AGFG1: variants seen among roughly 807,000 people sequenced by gnomAD.
AGFG1 encodes the protein ArfGAP with FG repeats 1, also known as arf-GAP domain and FG repeat-containing protein 1.
AGFG1 carries 10 observed loss-of-function variants against 60.6 expected under a neutral mutation model. The ratio of observed to expected loss-of-function variants is 0.16; its 90% CI spans 0.10 to 0.28. The LOEUF (loss-of-function observed/expected upper bound fraction) is 0.28. Ranked by LOEUF, AGFG1 falls within the 10% of genes least tolerant of loss-of-function variation. AGFG1 has a pLI of 1.00. For missense variants in AGFG1, 537 were observed against 676.5 expected, an observed-to-expected ratio of 0.79 and a Z score of 2.29; for synonymous variants, 247 against 242.9, an observed-to-expected ratio of 1.02 and a Z score of -0.16.
intron 3 of AGFG1, among the ~76,000 whole-genome samples, 180 bp downstream of exon 3, chr2:227,520,243 C>T (rs1277393533): frequency 6.6e-6 from 1 of 152,144 alleles, no homozygotes; most frequent in African/African-American, 2.4e-5. Flanking sequence ...TCTACTTTAT[C>T]TTAACTCATC....
At chr2:227,501,340 T>TA (rs1225849543) in intron 2 of AGFG1, among the ~76,000 whole-genome samples, 1 of 152,182 alleles carries the variant, frequency 6.6e-6, no homozygotes, top group Non-Finnish European at 1.5e-5. Flanking sequence ...CTTGGCCTCC[T>TA]AAAGTGTTGG....
chr2:227,561,157 C>G lies in AGFG1; in HGVS notation c.*6662C>G, dbSNP rs1192328820. Reference sequence around the variant, plus strand: ...AGATAAATTTGGTTAAGTTCTTGTTCATTGTGAAATACTGTTGGAAGAATT... The same window carrying G: ...AGATAAATTTGGTTAAGTTCTTGTTGATTGTGAAATACTGTTGGAAGAATT... On this transcript the variant is annotated 3_prime_UTR_variant, in exon 13 of 13. Coordinates refer to ENST00000310078, the MANE Select transcript of AGFG1 (RefSeq NM_004504.5). 1 of 152,074 alleles carries G rather than the reference C, an allele frequency of 6.6e-6. No individual in the cohort carries two copies. Among genetic ancestry groups the G allele is most frequent in the Non-Finnish European group, 1.5e-5 (1 of 67,966 alleles). The allele number at this position is 152,074 out of a possible 1,614,324, so 9.4% of individuals were successfully genotyped here. A position where few individuals can be genotyped will look rare whatever the true frequency, so the allele number is the denominator to read the frequency against.
intron 1 of AGFG1, among the ~76,000 whole-genome samples, chr2:227,489,480 C>T (rs1690738272): frequency 1.3e-5 from 2 of 152,046 alleles, no homozygotes; most frequent in African/African-American, 4.8e-5. Context: ...CCTTGGCCTC[C>T]CAAAGTACTG....
intron 2 of AGFG1, among the ~76,000 whole-genome samples, chr2:227,515,315 T>G (rs1468552773): frequency 6.6e-6 from 1 of 152,174 alleles, no homozygotes; most frequent in Non-Finnish European, 1.5e-5. Flanking sequence ...GCCCTCTGAA[T>G]TCCTTGACCT....
At chr2:227,509,203 T>C (rs1691419540) in intron 2 of AGFG1, among the ~76,000 whole-genome samples, 1 of 152,184 alleles carries the variant, frequency 6.6e-6, no homozygotes, top group Non-Finnish European at 1.5e-5. Context: ...TTCTTCATAA[T>C]GATACACTGG....
In AGFG1 at chr2:227,472,604, C is replaced by T. The variant is rs1412352309; in HGVS notation, c.167+16C>T. On this transcript the variant is annotated intron_variant, in intron 1 of 12. Coordinates refer to ENST00000310078, the MANE Select transcript of AGFG1 (RefSeq NM_004504.5). ...CCGGCAGCCTGTGAGTGCGGGGCGGCCGGGCGGGTGTCGGGCCCTTCCCGG... is the reference window on the plus strand; with the variant it reads ...CCGGCAGCCTGTGAGTGCGGGGCGGTCGGGCGGGTGTCGGGCCCTTCCCGG... The T allele has an allele frequency of 3.2e-6, 5 of 1,563,708 alleles. No homozygotes were observed. The highest frequency in any genetic ancestry group is 4.3e-6 in the Non-Finnish European group (5 of 1,155,208).
chr2:227,538,735 A>G (rs1692388014), intron 10 of AGFG1, among the ~76,000 whole-genome samples: 1 of 152,226 alleles, frequency 6.6e-6, no homozygotes, highest in Admixed American at 6.5e-5. Flanking sequence ...TGGTTCTATC[A>G]TTAGAGTTAA....
At chr2:227,512,462 G>A (rs1400974329) in intron 2 of AGFG1, among the ~76,000 whole-genome samples, 3 of 152,132 alleles carry the variant, frequency 2.0e-5, no homozygotes, top group South Asian at 2.1e-4. Flanking sequence ...GGCTGGATCC[G>A]TGTAGGAAAT....
At chr2:227,546,706 C>T (rs943648902) in intron 10 of AGFG1, among the ~76,000 whole-genome samples, 5 of 152,174 alleles carry the variant, frequency 3.3e-5, no homozygotes, top group Admixed American at 3.3e-4. Context: ...GCCTAATTTT[C>T]AGATTCTATG....
At chr2:227,524,672 T>C (rs1691932208) in intron 4 of AGFG1, 90 bp from the exon 5 acceptor site, 1 of 1,340,508 alleles carries the variant, frequency 7.5e-7, no homozygotes, top group Non-Finnish European at 1.1e-6. Flanking sequence ...TCTTCGTATG[T>C]ATAAGTGTGT....
chr2:227,559,109 T>G lies in AGFG1; in HGVS notation c.*4614T>G, dbSNP rs1443287054. The G allele has an allele frequency of 1.3e-5, 2 of 152,204 alleles. No individual in the cohort carries two copies. The highest frequency in any genetic ancestry group is 4.8e-5 in the African/African-American group (2 of 41,460). 9.4% of individuals were successfully genotyped at this position (152,204 alleles called of 1,614,324 possible). ...GTTTTAAAAAGTCCAATTATTGTGC[T>G]CTTATAGGGGTTGCACATTCAAGGC... On this transcript the variant is annotated 3_prime_UTR_variant, in exon 13 of 13. Coordinates refer to ENST00000310078, the MANE Select transcript of AGFG1 (RefSeq NM_004504.5).
chr2:227,536,574 TTTC>T, intron 8 of AGFG1, 48 bp from the exon 9 acceptor site: 1 of 1,537,908 alleles, frequency 6.5e-7, no homozygotes, highest in Non-Finnish European at 9.0e-7. Context: ...AAATCGTTAC[TTTC>T]TTTTTTTTTT....
At position 227,472,367 on chromosome 2, in the gene AGFG1, G is replaced by C. The variant is rs2106143105; in HGVS notation, c.-55G>C. 2 of 1,116,904 alleles carry C rather than the reference G, an allele frequency of 1.8e-6. No individual in the cohort carries two copies. Among genetic ancestry groups the C allele is most frequent in the South Asian group, 5.6e-5 (2 of 35,942 alleles). 69.2% of individuals were successfully genotyped at this position (1,116,904 alleles called of 1,614,324 possible). On this transcript the variant is annotated 5_prime_UTR_variant, in exon 1 of 13. Coordinates refer to ENST00000310078, the MANE Select transcript of AGFG1 (RefSeq NM_004504.5). ...CGGCCCGTGGGACCGCGGGCCCCCG[G>C]CGCAGCGCTGCCCGGCTCCCGGCCC...
Position 227,517,084 on chromosome 2 carries a change from G to T in AGFG1, c.262-2864G>T, listed in dbSNP as rs79256094. Among the ~76,000 whole-genome samples, 578 of 152,274 alleles carry T rather than the reference G, an allele frequency of 3.8e-3. 3 individuals carry two copies. The highest frequency in any genetic ancestry group is 6.5e-3 in the Non-Finnish European group (441 of 68,028). ...GACAAGCTGGGTCTCTTAAAGGTCT[G>T]TAGTATTTCTGGCAGTAAGTTGTAC... On this transcript the variant is annotated intron_variant, in intron 2 of 12. Coordinates refer to ENST00000310078, the MANE Select transcript of AGFG1 (RefSeq NM_004504.5).
In AGFG1 at chr2:227,556,503, G is replaced by A. The variant is rs1018635694; in HGVS notation, c.*2008G>A. ...CTCCACATTTTGGAGGACTTCCTCA[G>A]CCCTTTTCATTGAGGGAAAATATAT... On this transcript the variant is annotated 3_prime_UTR_variant, in exon 13 of 13. Coordinates refer to ENST00000310078, the MANE Select transcript of AGFG1 (RefSeq NM_004504.5). 2 of 152,608 alleles carry A rather than the reference G, an allele frequency of 1.3e-5. No individual in the cohort carries two copies. The highest frequency in any genetic ancestry group is 4.1e-4 in the South Asian group (2 of 4,824). The allele number at this position is 152,608 out of a possible 1,614,324, so 9.5% of individuals were successfully genotyped here.
At chr2:227,552,231 T>C (rs1392507842) in intron 11 of AGFG1, 114 bp downstream of exon 11, 1 of 1,236,656 alleles carries the variant, frequency 8.1e-7, no homozygotes, top group Non-Finnish European at 1.1e-6. Flanking sequence ...TATTATCTAC[T>C]GAGTGTTTAC....
At chr2:227,510,308 C>T (rs899237002) in intron 2 of AGFG1, among the ~76,000 whole-genome samples, 1 of 152,092 alleles carries the variant, frequency 6.6e-6, no homozygotes, top group African/African-American at 2.4e-5. Context: ...CAGGAATGGA[C>T]ACCTAACCCT....
rs370320326 is a variant in AGFG1 at position 227,523,793 on chromosome 2, G to A, written c.408G>A (p.Val136=). 5.6e-6 allele frequency: 9 copies of A among 1,613,156 alleles called. No individual in the cohort carries two copies. The African/African-American group carries it at 1.2e-4, about 22-fold the overall frequency. Residue 136 remains valine, a synonymous_variant, in exon 4 of 13, where the codon GTG becomes GTA. Coordinates refer to ENST00000310078, the MANE Select transcript of AGFG1 (RefSeq NM_004504.5). ...TCCCGCCAGAACAAGCCAAAGTCGT[G>A]GCATCAGTTCATGCATCTATTTCAG... The part of the protein sequence containing the change: ...WYVPPEQAKV[V]ASVHASISGS...
At chr2:227,537,260 A>T (rs1692341795) in intron 10 of AGFG1, among the ~76,000 whole-genome samples, 2 of 152,298 alleles carry the variant, frequency 1.3e-5, no homozygotes, top group South Asian at 4.1e-4. Flanking sequence ...AGACATGGAG[A>T]TGAGACTCCA....
Sources: gnomAD v4.1 joint callset for allele counts (sites outside exome capture counted in the v4.1 genomes callset) on GRCh38, gnomAD v4.1.1 for gene constraint, MANE v1.5 for transcripts, NCBI Gene and HGNC (gene_info 2026-07-23, HGNC 2026-07-21) for gene names.